Variants in CCDC73 observed in about 807,000 individuals in gnomAD.
CCDC73 encodes coiled-coil domain containing 73, also known as coiled-coil domain-containing protein 73.
A neutral mutation model predicts 116.5 loss-of-function variants in CCDC73; 95 were observed. The ratio of observed to expected loss-of-function variants is 0.82; its 90% CI spans 0.69 to 0.97. The LOEUF (loss-of-function observed/expected upper bound fraction) is 0.97, where lower values mean the gene tolerates loss of function less well. Among genes scored for constraint, CCDC73 ranks in the 50% least tolerant of loss-of-function variants. The pLI, the probability that CCDC73 is intolerant of heterozygous loss-of-function variation, is 0.00. For synonymous variants in CCDC73, 398 were observed against 401.3 expected, an observed-to-expected ratio of 0.99 and a Z score of 0.10; for missense variants, 1,066 against 1,206.8, an observed-to-expected ratio of 0.88 and a Z score of 1.73.
chr11:32,739,409 C>G (rs1252326834), intron 2 of CCDC73, among the ~76,000 whole-genome samples: 1 of 152,040 alleles, frequency 6.6e-6, no homozygotes, highest in East Asian at 1.9e-4. Context: ...AGAGAGCATT[C>G]AATTCTTTGA....
At chr11:32,736,990 A>G (rs185821716) in intron 2 of CCDC73, among the ~76,000 whole-genome samples, 162 of 149,560 alleles carry the variant, frequency 1.1e-3, no homozygotes, top group Middle Eastern at 7.2e-3. Flanking sequence ...ATATGTATAT[A>G]TGTATATATA....
chr11:32,632,236 T>C (rs1855637967), intron 14 of CCDC73, among the ~76,000 whole-genome samples: 1 of 152,112 alleles, frequency 6.6e-6, no homozygotes, highest in Non-Finnish European at 1.5e-5. Context: ...TTGTTGTTTG[T>C]TTTCTTTGAG....
intron 2 of CCDC73, among the ~76,000 whole-genome samples, chr11:32,728,164 T>C (rs1850045267): frequency 6.6e-6 from 1 of 151,956 alleles, no homozygotes; most frequent in Non-Finnish European, 1.5e-5. Context: ...GGTAGGAGGA[T>C]TGCTTAAGCC....
At chr11:32,663,799 T>C (rs1855953479) in intron 9 of CCDC73, among the ~76,000 whole-genome samples, 1 of 152,204 alleles carries the variant, frequency 6.6e-6, no homozygotes, top group African/African-American at 2.4e-5. Context: ...CCATTCAGTA[T>C]GATGTTGGCT....
intron 1 of CCDC73, among the ~76,000 whole-genome samples, chr11:32,787,162 G>A (rs988460436): frequency 2.0e-5 from 3 of 152,162 alleles, no homozygotes; most frequent in African/African-American, 7.2e-5. Flanking sequence ...GCAACAAAGT[G>A]ATGTGTATTA....
chr11:32,771,726 T>C (rs1850493809), intron 1 of CCDC73, among the ~76,000 whole-genome samples: 1 of 152,192 alleles, frequency 6.6e-6, no homozygotes. Context: ...ATGATTTGCT[T>C]GTGTGAGAAA....
At chr11:32,618,130 T>G (rs1855491428) in intron 14 of CCDC73, among the ~76,000 whole-genome samples, 1 of 152,180 alleles carries the variant, frequency 6.6e-6, no homozygotes, top group African/African-American at 2.4e-5. Context: ...AAATTGGTCT[T>G]TGGTTTTCTG....
intron 6 of CCDC73, among the ~76,000 whole-genome samples, chr11:32,687,487 T>C (rs1440356948): frequency 4.6e-5 from 7 of 152,162 alleles, no homozygotes; most frequent in Admixed American, 6.5e-5. Context: ...GTCTTAGTGA[T>C]AATGAAAGTC....
chr11:32,782,696 T>C (rs1308698843), intron 1 of CCDC73, among the ~76,000 whole-genome samples: 2 of 152,154 alleles, frequency 1.3e-5, no homozygotes, highest in Admixed American at 1.3e-4. Context: ...CTAACACTCT[T>C]TTAAAAATTA....
Position 32,663,305 on chromosome 11 carries a change from T to C in CCDC73, c.646-8333A>G, listed in dbSNP as rs182442852. On this transcript the variant is annotated intron_variant, in intron 9 of 17. Coordinates refer to ENST00000335185, the MANE Select transcript of CCDC73 (RefSeq NM_001008391.4). ...CCATTTTCACGATATTGATTCTTCC[T>C]ATCCATGAGCATGGAATGTTGTTCC... 1.3e-3 allele frequency among the ~76,000 whole-genome samples: 195 copies of C among 152,354 alleles called. 5 individuals carry two copies. Among genetic ancestry groups the C allele is most frequent in the Admixed American group, 0.012 (188 of 15,298 alleles).
At chr11:32,799,158 C>A (rs1850751336), upstream of CCDC73, among the ~76,000 whole-genome samples, 1 of 149,900 alleles carries the variant, frequency 6.7e-6, no homozygotes, top group Admixed American at 6.7e-5. Context: ...GTGGCACAAT[C>A]TCAGCTCACT....
At chr11:32,669,841 C>T (rs1022671887) in intron 9 of CCDC73, among the ~76,000 whole-genome samples, 1 of 152,176 alleles carries the variant, frequency 6.6e-6, no homozygotes, top group Non-Finnish European at 1.5e-5. Flanking sequence ...ATGGGTACCA[C>T]ATTTTCTTTA....
intron 1 of CCDC73, among the ~76,000 whole-genome samples, chr11:32,780,541 T>C (rs920945194): frequency 1.3e-5 from 2 of 152,146 alleles, no homozygotes; most frequent in African/African-American, 4.8e-5. Flanking sequence ...AAAAGTTTTA[T>C]GTTAACGGAT....
intron 4 of CCDC73, 22 bp downstream of exon 4, chr11:32,702,851 T>A (rs780805967): frequency 6.6e-7 from 1 of 1,514,350 alleles, no homozygotes; most frequent in Admixed American, 1.7e-5. Context: ...ATGGTAGTGT[T>A]TGTCTATCCT....
chr11:32,638,639 T>C (rs1039126239), intron 13 of CCDC73, among the ~76,000 whole-genome samples: 1 of 151,850 alleles, frequency 6.6e-6, no homozygotes, highest in African/African-American at 2.4e-5. Context: ...CCACCATGCC[T>C]GGCTAATTTT....
intron 2 of CCDC73, among the ~76,000 whole-genome samples, chr11:32,720,151 G>A (rs1849978587): frequency 2.6e-5 from 4 of 152,108 alleles, no homozygotes; most frequent in Admixed American, 2.6e-4. Flanking sequence ...TTAATAACAT[G>A]TTAGCAAACA....
intron 2 of CCDC73, among the ~76,000 whole-genome samples, chr11:32,739,626 T>C (rs1850166051): frequency 6.6e-6 from 1 of 152,156 alleles, no homozygotes; most frequent in African/African-American, 2.4e-5. Context: ...AAATAGAAGA[T>C]CATATCATCT....
chr11:32,758,713 T>C (rs1850365045), intron 2 of CCDC73: 1 of 239,018 alleles, frequency 4.2e-6, no homozygotes. Flanking sequence ...AAGCATATTT[T>C]TTAAGTTGGA....
chr11:32,691,544 T>C (rs1009795489), intron 6 of CCDC73, among the ~76,000 whole-genome samples: 6 of 152,234 alleles, frequency 3.9e-5, no homozygotes, highest in Non-Finnish European at 7.3e-5. Context: ...TGGCCCATTT[T>C]AAAATCAGAT....
Sources: allele counts gnomAD v4.1 joint callset (sites outside exome capture counted in the v4.1 genomes callset), GRCh38; gene constraint gnomAD v4.1.1; transcripts MANE v1.5; gene names NCBI Gene and HGNC (gene_info 2026-07-23, HGNC 2026-07-21).